RBBP8: variants seen among roughly 807,000 people sequenced by gnomAD.
The protein encoded by RBBP8 is RB binding protein 8, endonuclease.
In RBBP8, 88 loss-of-function variants were observed where a neutral mutation model predicts 108.3. The observed-to-expected ratio is 0.81, with a 90% CI of 0.68 to 0.97. RBBP8 has a LOEUF of 0.97. RBBP8 is among the 50% of genes least tolerant of loss of function. RBBP8 has a pLI of 0.00. For synonymous variants in RBBP8, 332 were observed against 348.2 expected, an observed-to-expected ratio of 0.95 and a Z score of 0.52; for missense variants, 1,023 against 1,049.0, an observed-to-expected ratio of 0.98 and a Z score of 0.34.
intron 12 of RBBP8, among the ~76,000 whole-genome samples, chr18:22,994,646 C>CAA (rs201468478): frequency 7.3e-5 from 8 of 109,190 alleles, no homozygotes; most frequent in East Asian, 2.5e-4. Flanking sequence ...GACTCCGTCT[C>CAA]AAAAAAAAAA....
chr18:23,015,650 G>C (rs1257524277), intron 16 of RBBP8, among the ~76,000 whole-genome samples: 1 of 151,870 alleles, frequency 6.6e-6, no homozygotes, highest in Non-Finnish European at 1.5e-5. Flanking sequence ...GTGAGAAATA[G>C]GGGCCTATTT....
intron 2 of RBBP8, among the ~76,000 whole-genome samples, chr18:22,943,949 A>G (rs1276971015): frequency 6.6e-6 from 1 of 152,130 alleles, no homozygotes; most frequent in Non-Finnish European, 1.5e-5. Context: ...GAGTGTGTGT[A>G]AGGTTAATTG....
chr18:22,933,348 C>G lies in RBBP8; in HGVS notation c.-315C>G, dbSNP rs1317818844. On this transcript the variant is annotated 5_prime_UTR_variant, in exon 1 of 19. Transcript: ENST00000327155. ...CTCCCGCGTGACGTCGCGCGGGCTC[C>G]CGGGCGGGGCGGGTCCGGCCGCCTC... is the stretch of plus-strand genomic sequence containing the variant. The G allele has an allele frequency of 6.6e-6, 1 of 152,554 alleles. No homozygotes were observed. Among genetic ancestry groups the G allele is most frequent in the African/African-American group, 2.4e-5 (1 of 41,450 alleles). 9.5% of individuals were successfully genotyped at this position (152,554 alleles called of 1,614,324 possible). A position where few individuals can be genotyped will look rare whatever the true frequency, so the allele number is the denominator to read the frequency against.
intron 14 of RBBP8, among the ~76,000 whole-genome samples, chr18:22,998,272 T>C (rs1414402063): frequency 2.6e-5 from 4 of 152,194 alleles, no homozygotes. Context: ...CCGAGAAGTC[T>C]TAGTATAGTT....
At chr18:22,982,472 A>G in intron 7 of RBBP8, 79 bp downstream of exon 7, 2 of 1,599,774 alleles carry the variant, frequency 1.3e-6, no homozygotes, top group South Asian at 1.1e-5. Flanking sequence ...TATTCAATCT[A>G]GTGATAAGAA....
intron 16 of RBBP8, among the ~76,000 whole-genome samples, chr18:23,012,083 A>T (rs572178635): frequency 6.6e-6 from 1 of 152,032 alleles, no homozygotes; most frequent in Admixed American, 6.6e-5. Flanking sequence ...ACACGCCTGT[A>T]GTTCCAACTG....
In RBBP8 at chr18:22,963,859, G is replaced by A. The variant is rs904250246; in HGVS notation, c.249-4947G>A. ...GGCCATTCTTGTTTCACTTTATTTC[G>A]ATTAGTCCCTCTCACTACCATTTTG... is the stretch of plus-strand genomic sequence containing the variant. On this transcript the variant is annotated intron_variant, in intron 4 of 18. Coordinates refer to ENST00000327155, the MANE Select transcript of RBBP8 (RefSeq NM_002894.3). Among the ~76,000 whole-genome samples the A allele has an allele frequency of 2.6e-5, 4 of 151,968 alleles. No homozygotes were observed. In the South Asian group the frequency reaches 6.2e-4, roughly 24 times the overall value.
At chr18:22,941,809 A>G (rs1911104291) in intron 2 of RBBP8, among the ~76,000 whole-genome samples, 1 of 152,074 alleles carries the variant, frequency 6.6e-6, no homozygotes. Context: ...TTTTATGAAT[A>G]TTAGGTATTG....
At chr18:22,994,404 A>G (rs2045814921) in intron 12 of RBBP8, among the ~76,000 whole-genome samples, 1 of 148,350 alleles carries the variant, frequency 6.7e-6, no homozygotes, top group Admixed American at 6.7e-5. Context: ...GCACTTTGGG[A>G]GGCCGACGCT....
chr18:22,982,859 G>T (rs1254064716), intron 7 of RBBP8, among the ~76,000 whole-genome samples: 1 of 152,150 alleles, frequency 6.6e-6, no homozygotes, highest in Non-Finnish European at 1.5e-5. Flanking sequence ...GTTTAGAAAG[G>T]TTAACTCACT....
intron 16 of RBBP8, among the ~76,000 whole-genome samples, chr18:23,007,002 C>CGTGTGTGTGTGTGT (rs1555647022): frequency 6.8e-6 from 1 of 147,316 alleles, no homozygotes; most frequent in Non-Finnish European, 1.5e-5. Flanking sequence ...TGTGCGTGTG[C>CGTGTGTGTGTGTGT]ATGTGTGTGT....
intron 14 of RBBP8, among the ~76,000 whole-genome samples, chr18:22,998,632 C>G (rs1454096133): frequency 1.3e-5 from 2 of 152,184 alleles, no homozygotes; most frequent in African/African-American, 4.8e-5. Flanking sequence ...TGTTAGAAGC[C>G]GAATACATTG....
intron 4 of RBBP8, among the ~76,000 whole-genome samples, chr18:22,953,841 C>T (rs1330750537): frequency 6.6e-6 from 1 of 152,030 alleles, no homozygotes; most frequent in Non-Finnish European, 1.5e-5. Flanking sequence ...AGTTGACTCA[C>T]AGTTCTGCAG....
intron 18 of RBBP8, among the ~76,000 whole-genome samples, chr18:23,022,792 C>T (rs1274419816): frequency 1.3e-5 from 2 of 151,424 alleles, no homozygotes; most frequent in African/African-American, 2.4e-5. Context: ...AAGGACTCTT[C>T]AGTAATTTAT....
chr18:22,918,709 C>T (rs907953031), intron 3 of RBBP8, among the ~76,000 whole-genome samples: 1 of 152,096 alleles, frequency 6.6e-6, no homozygotes, highest in African/African-American at 2.4e-5. Context: ...TAGGGTCTCA[C>T]TCTGTCACCC....
chr18:22,949,567 C>T (rs762202532), intron 3 of RBBP8, 51 bp from the exon 4 acceptor site: 2 of 1,281,368 alleles, frequency 1.6e-6, no homozygotes, highest in African/African-American at 1.5e-5. Context: ...TTAGAATTAT[C>T]CTGTTAAGAG....
At chr18:22,944,833 C>T (rs1452981504) in intron 2 of RBBP8, among the ~76,000 whole-genome samples, 1 of 151,980 alleles carries the variant, frequency 6.6e-6, no homozygotes, top group Non-Finnish European at 1.5e-5. Context: ...CTATGGAGGG[C>T]AATAAGAAGA....
chr18:22,936,084 C>G (rs1307398890), intron 1 of RBBP8, among the ~76,000 whole-genome samples: 2 of 152,022 alleles, frequency 1.3e-5, no homozygotes, highest in Admixed American at 1.3e-4. Flanking sequence ...GTATGTTTCA[C>G]CAATTCAAAA....
chr18:22,982,540 A>G lies in RBBP8; in HGVS notation c.604+147A>G, dbSNP rs918049358. 4.0e-6 allele frequency: 6 copies of G among 1,482,372 alleles called. No homozygotes were observed. In the Admixed American group the frequency reaches 9.8e-5, roughly 24 times the overall value. The allele number at this position is 1,482,372 out of a possible 1,614,324, so 91.8% of individuals were successfully genotyped here. On this transcript the variant is annotated intron_variant, in intron 7 of 18. Transcript: ENST00000327155. ...CTATGAGTTTAACTTCTATTTGTAA[A>G]GTGACTGAGAAGGCGTTTTCTGCCC...
Sources: allele counts gnomAD v4.1 joint callset (sites outside exome capture counted in the v4.1 genomes callset), GRCh38; gene constraint gnomAD v4.1.1; transcripts MANE v1.5; gene names NCBI Gene and HGNC (gene_info 2026-07-23, HGNC 2026-07-21).